Variants in MTMR7 observed in about 807,000 individuals in gnomAD.
MTMR7 encodes myotubularin related protein 7.
Under a neutral mutation model 81.2 loss-of-function variants are expected in MTMR7, and 76 were observed. The ratio of observed to expected loss-of-function variants is 0.94; its 90% CI spans 0.78 to 1.13. MTMR7 has a LOEUF of 1.13. MTMR7 is among the 50% of genes most tolerant of loss of function. The probability of loss-of-function intolerance (pLI) is 0.00; values close to 1 mark genes in which losing one functional copy is unlikely to be tolerated. For missense variants in MTMR7, 1,044 were observed against 820.0 expected, an observed-to-expected ratio of 1.27 and a Z score of -3.34; for synonymous variants, 372 against 289.8, an observed-to-expected ratio of 1.28 and a Z score of -2.88.
intron 12 of MTMR7, among the ~76,000 whole-genome samples, chr8:17,304,120 A>G (rs1817301064): frequency 6.6e-6 from 1 of 152,220 alleles, no homozygotes; most frequent in Non-Finnish European, 1.5e-5. Context: ...AAAAAAATAA[A>G]TTGGAACTTA....
rs1307579956 is a variant in MTMR7, at chr8:17,413,305, T to C, written c.-13A>G. 12 of 1,540,998 alleles carry C rather than the reference T, an allele frequency of 7.8e-6. No individual in the cohort carries two copies. Among genetic ancestry groups the C allele is most frequent in the African/African-American group, 1.4e-5 (1 of 72,062 alleles). ...GGATGTGCTCCATGGCTGGCCCACG[T>C]CTGCAGGGTCCCGGGCGGGCGCGGC... On this transcript the variant is annotated 5_prime_UTR_variant, in exon 1 of 14. Transcript: ENST00000180173.
chr8:17,390,790 G>T (rs1031398593), intron 1 of MTMR7, among the ~76,000 whole-genome samples: 9 of 152,156 alleles, frequency 5.9e-5, no homozygotes, highest in African/African-American at 2.2e-4. Context: ...AGCCCCTTAT[G>T]AAATCATCAG....
rs1294900177 is a variant in MTMR7, at chr8:17,305,840, A to G, written c.1269T>C (p.Phe423=). Residue 423 remains phenylalanine, a synonymous_variant, in exon 11 of 14, where the codon TTT becomes TTC. Coordinates refer to ENST00000180173, the MANE Select transcript of MTMR7 (RefSeq NM_004686.5). ...FPCAFEFNER[F]LIHIQHHIYS... is the part of the protein sequence containing the mutation. ...AAATGTGATGTTGAATGTGAATCAAAAACCTCTCATTGAACTCAAAGGCAC... is the reference window on the plus strand; with the variant it reads ...AAATGTGATGTTGAATGTGAATCAAGAACCTCTCATTGAACTCAAAGGCAC... 25 of 1,613,592 alleles carry G rather than the reference A, an allele frequency of 1.5e-5. No homozygotes were observed. The highest frequency in any genetic ancestry group is 1.9e-5 in the Non-Finnish European group (23 of 1,179,686).
chr8:17,368,871 C>G (rs1405398858), intron 3 of MTMR7, among the ~76,000 whole-genome samples: 1 of 152,206 alleles, frequency 6.6e-6, no homozygotes, highest in Non-Finnish European at 1.5e-5. Context: ...GGTAGCCAGT[C>G]AGATCTCTGT....
chr8:17,370,047 G>A (rs1009061744), intron 3 of MTMR7, among the ~76,000 whole-genome samples: 1 of 151,792 alleles, frequency 6.6e-6, no homozygotes, highest in Non-Finnish European at 1.5e-5. Context: ...TAAATCCGAA[G>A]AGCCCAAGAT....
chr8:17,305,192 GATA>G (rs1220553394), intron 11 of MTMR7, among the ~76,000 whole-genome samples: 8 of 152,100 alleles, frequency 5.3e-5, no homozygotes, highest in Non-Finnish European at 1.2e-4. Context: ...AATTAAATCT[GATA>G]ATGTTGTATA....
intron 1 of MTMR7, among the ~76,000 whole-genome samples, chr8:17,394,536 G>C (rs1469499693): frequency 1.3e-5 from 2 of 152,160 alleles, no homozygotes. Context: ...TAGGGAGAGA[G>C]AAAGGAGGGA....
intron 7 of MTMR7, among the ~76,000 whole-genome samples, chr8:17,321,106 A>C (rs1211071746): frequency 2.6e-5 from 4 of 152,218 alleles, no homozygotes; most frequent in Non-Finnish European, 5.9e-5. Flanking sequence ...ATACCTTGGC[A>C]TCTAAGCTCT....
At chr8:17,359,078 G>A (rs926787137) in intron 4 of MTMR7, among the ~76,000 whole-genome samples, 1 of 151,982 alleles carries the variant, frequency 6.6e-6, no homozygotes, top group Non-Finnish European at 1.5e-5. Flanking sequence ...AATTGCTTTT[G>A]TGGGAATGGG....
At chr8:17,323,397 G>T (rs146724935) in intron 7 of MTMR7, among the ~76,000 whole-genome samples, 24 of 152,004 alleles carry the variant, frequency 1.6e-4, no homozygotes, top group Admixed American at 3.3e-4. Flanking sequence ...ATATACAAAC[G>T]GAGCCAGGAT....
Position 17,371,048 on chromosome 8 carries a change from A to C in MTMR7, c.299T>G (p.Leu100Arg), listed in dbSNP as rs918988906. 16 of 1,612,950 alleles carry C rather than the reference A, an allele frequency of 9.9e-6. 1 individual carries two copies. In the South Asian group the frequency reaches 1.8e-4, roughly 18 times the overall value. ...TTCCTCTGCCCTACCTGGCCTTGCAAGGCGTATCAGGGAGATGTACACGTC... is the reference window on the plus strand; with the variant it reads ...TTCCTCTGCCCTACCTGGCCTTGCACGGCGTATCAGGGAGATGTACACGTC... ...CHDVYISLIRLARPVKYEELY... is the reference protein window; with the variant it reads ...CHDVYISLIRRARPVKYEELY... Residue 100 changes from leucine to arginine, a missense_variant, in exon 3 of 14, where the codon CTT becomes CGT. Transcript: ENST00000180173.
chr8:17,300,490 C>T (rs1435089106), intron 13 of MTMR7, among the ~76,000 whole-genome samples: 1 of 152,094 alleles, frequency 6.6e-6, no homozygotes, highest in South Asian at 2.1e-4. Context: ...ACCCAGTGAA[C>T]CCTAGTCTCC....
At chr8:17,404,974 G>A (rs1821535458) in intron 1 of MTMR7, among the ~76,000 whole-genome samples, 1 of 152,072 alleles carries the variant, frequency 6.6e-6, no homozygotes, top group African/African-American at 2.4e-5. Context: ...TACAAGCACT[G>A]GCCGCTATGA....
chr8:17,364,888 C>T (rs1237519264), intron 3 of MTMR7, among the ~76,000 whole-genome samples: 1 of 152,186 alleles, frequency 6.6e-6, no homozygotes, highest in African/African-American at 2.4e-5. Context: ...TGAGAGCAGA[C>T]GTTTCTTTAA....
chr8:17,338,347 A>G (rs902495763), intron 6 of MTMR7, among the ~76,000 whole-genome samples: 7 of 152,212 alleles, frequency 4.6e-5, no homozygotes, highest in Non-Finnish European at 1.0e-4. Flanking sequence ...GAAGGTTTAC[A>G]CAACACAGTA....
At chr8:17,348,832 C>T in intron 5 of MTMR7, 121 bp downstream of exon 5, 1 of 1,197,846 alleles carries the variant, frequency 8.3e-7, no homozygotes, top group South Asian at 1.3e-5. Flanking sequence ...ACAGGAATAT[C>T]CACATACCTT....
At chr8:17,404,173 T>C (rs373396602) in intron 1 of MTMR7, among the ~76,000 whole-genome samples, 6 of 152,128 alleles carry the variant, frequency 3.9e-5, no homozygotes, top group African/African-American at 1.4e-4. Flanking sequence ...AGGCAAGAGT[T>C]GACAGTATTT....
At chr8:17,402,490 C>T (rs368917976) in intron 1 of MTMR7, among the ~76,000 whole-genome samples, 2 of 152,156 alleles carry the variant, frequency 1.3e-5, no homozygotes, top group Non-Finnish European at 1.5e-5. Flanking sequence ...TTAGCTCCCA[C>T]AAATAAGCGA....
rs970016724 is a variant in MTMR7, at chr8:17,298,029, C to CTT, written c.*1831_*1832dup. 6.6e-6 allele frequency: 1 copy of CTT among 151,936 alleles called. No homozygotes were observed. Among genetic ancestry groups the CTT allele is most frequent in the African/African-American group, 2.4e-5 (1 of 41,420 alleles). The allele number at this position is 151,936 out of a possible 1,614,324, so 9.4% of individuals were successfully genotyped here. On this transcript the variant is annotated 3_prime_UTR_variant, in exon 14 of 14. Coordinates refer to ENST00000180173, the MANE Select transcript of MTMR7 (RefSeq NM_004686.5). ...AGCATAGTGCTGTTTGGCATAGATACTTTGTCATTTTTTAAAAAATGTTTA... is the reference window on the plus strand; with the variant it reads ...AGCATAGTGCTGTTTGGCATAGATACTTTTTGTCATTTTTTAAAAAATGTTTA...
Sources: gnomAD v4.1 joint callset for allele counts (sites outside exome capture counted in the v4.1 genomes callset) on GRCh38, gnomAD v4.1.1 for gene constraint, MANE v1.5 for transcripts, NCBI Gene and HGNC (gene_info 2026-07-23, HGNC 2026-07-21) for gene names.